GORAB: variants seen among roughly 807,000 people sequenced by gnomAD.
GORAB encodes the protein golgin, RAB6 interacting, also known as RAB6-interacting golgin.
GORAB carries 17 observed loss-of-function variants against 29.9 expected under a neutral mutation model. The ratio of observed to expected loss-of-function variants is 0.57; its 90% confidence interval spans 0.39 to 0.85. The LOEUF (loss-of-function observed/expected upper bound fraction) is 0.85, where lower values mean the gene tolerates loss of function less well. Ranked by LOEUF, GORAB falls within the 40% of genes least tolerant of loss-of-function variation. The pLI, the probability that GORAB is intolerant of heterozygous loss-of-function variation, is 0.00. For synonymous variants in GORAB, 183 were observed against 157.2 expected (o/e 1.16, Z -1.23); for missense variants, 442 against 437.8 (o/e 1.01, Z -0.09).
At chr1:170,534,360 G>T (rs949021158) in intron 1 of GORAB, among the ~76,000 whole-genome samples, 7 of 152,122 alleles carry the variant, frequency 4.6e-5, no homozygotes, top group African/African-American at 1.4e-4. Flanking sequence ...CAGTATTTGG[G>T]GGATGCAAAA....
At chr1:170,532,340 G>A (rs59005897) in intron 1 of GORAB, 56 bp downstream of exon 1, 1 of 1,584,400 alleles carries the variant, frequency 6.3e-7, no homozygotes. Context: ...GAAGAGGCGG[G>A]GATGCAGCTT....
At chr1:170,539,644 A>G in intron 2 of GORAB, 77 bp downstream of exon 2, 1 of 1,460,804 alleles carries the variant, frequency 6.8e-7, no homozygotes, top group Non-Finnish European at 9.4e-7. Flanking sequence ...AAGGAAATAT[A>G]ATTTGTTTAT....
At chr1:170,539,811 T>C (rs1031945991) in intron 2 of GORAB, among the ~76,000 whole-genome samples, 3 of 152,152 alleles carry the variant, frequency 2.0e-5, no homozygotes, top group African/African-American at 7.2e-5. Context: ...ATGTTTATTA[T>C]TTAAACTTTA....
In GORAB at chr1:170,552,030, G is replaced by A. The variant is rs1196831941; in HGVS notation, c.678G>A (p.Arg226=). 1.9e-6 allele frequency: 3 copies of A among 1,613,870 alleles called. No individual in the cohort carries two copies. Among genetic ancestry groups the A allele is most frequent in the Admixed American group, 3.3e-5 (2 of 59,996 alleles). Residue 226 remains arginine (R), a synonymous_variant, in exon 5 of 5, where the codon AGG becomes AGA. Coordinates refer to ENST00000367763, the MANE Select transcript of GORAB (RefSeq NM_152281.3). ...DYSYARKRFD[R]AEAEYIAAKL... ...ATCCTTACAGGAAGCGGTTTGACAGGGCTGAAGCAGAGTACATTGCAGCAA... is the reference window on the plus strand; with the variant it reads ...ATCCTTACAGGAAGCGGTTTGACAGAGCTGAAGCAGAGTACATTGCAGCAA...
At chr1:170,541,720 T>C (rs547923242) in intron 2 of GORAB, among the ~76,000 whole-genome samples, 4 of 152,360 alleles carry the variant, frequency 2.6e-5, no homozygotes, top group Non-Finnish European at 5.9e-5. Context: ...ATTTTAGAAT[T>C]GGACAGATTG....
intron 2 of GORAB, among the ~76,000 whole-genome samples, chr1:170,540,146 A>AGG (rs1649323887): frequency 6.6e-6 from 1 of 152,022 alleles, no homozygotes; most frequent in South Asian, 2.1e-4. Flanking sequence ...AGAGACGTGA[A>AGG]GGGATGGTCA....
chr1:170,538,305 A>G (rs1055386235), intron 1 of GORAB, among the ~76,000 whole-genome samples: 47 of 152,214 alleles, frequency 3.1e-4, no homozygotes, highest in Non-Finnish European at 7.3e-5. Context: ...TCAAAAGTCA[A>G]TATGCCAAAT....
chr1:170,542,274 G>C (rs904262303), intron 2 of GORAB, among the ~76,000 whole-genome samples: 3 of 152,164 alleles, frequency 2.0e-5, no homozygotes, highest in African/African-American at 7.2e-5. Context: ...TCCAATTTAT[G>C]TAAGCCTCTT....
At chr1:170,533,928 A>G (rs1233957951) in intron 1 of GORAB, among the ~76,000 whole-genome samples, 4 of 152,192 alleles carry the variant, frequency 2.6e-5, no homozygotes, top group Non-Finnish European at 4.4e-5. Flanking sequence ...CCTTATTTGT[A>G]AAATTAGAGG....
At chr1:170,537,856 C>A (rs1287442494) in intron 1 of GORAB, among the ~76,000 whole-genome samples, 1 of 151,920 alleles carries the variant, frequency 6.6e-6, no homozygotes, top group African/African-American at 2.4e-5. Flanking sequence ...TGTAAAAATG[C>A]AAAATAAAAT....
intron 1 of GORAB, chr1:170,536,514 T>A (rs909574393): frequency 6.6e-6 from 1 of 152,210 alleles, no homozygotes; most frequent in Non-Finnish European, 1.5e-5. Context: ...TCTTATACAT[T>A]ACTAGAGGGA....
In GORAB at chr1:170,552,742, A is replaced by G. The variant is rs747742510; in HGVS notation, c.*280A>G. Reference sequence around the variant, plus strand: ...GACTTAAAAGGATGGAAGAAAAACTACATGGTTGGAGTGTTTTTAGATCAG... The same window carrying G: ...GACTTAAAAGGATGGAAGAAAAACTGCATGGTTGGAGTGTTTTTAGATCAG... On this transcript the variant is annotated 3_prime_UTR_variant, in exon 5 of 5. Transcript: ENST00000367763. 4.0e-5 allele frequency: 20 copies of G among 501,800 alleles called. No individual in the cohort carries two copies. The highest frequency in any genetic ancestry group is 6.6e-5 in the Non-Finnish European group (17 of 258,616). 31.1% of individuals were successfully genotyped at this position (501,800 alleles called of 1,614,324 possible). A position where few individuals can be genotyped will look rare whatever the true frequency, so the allele number is the denominator to read the frequency against.
At chr1:170,539,959 TTTTC>T (rs1423024538) in intron 2 of GORAB, among the ~76,000 whole-genome samples, 5 of 151,762 alleles carry the variant, frequency 3.3e-5, no homozygotes, top group African/African-American at 1.2e-4. Flanking sequence ...GCAGTTCTTT[TTTTC>T]TTTCTTTTTT....
In GORAB at chr1:170,545,192, C is replaced by G. The variant is rs779671389; in HGVS notation, c.662+347C>G. 3.9e-4 allele frequency: 392 copies of G among 1,011,268 alleles called. 1 individual carries two copies. Among genetic ancestry groups the G allele is most frequent in the Non-Finnish European group, 3.8e-4 (325 of 844,932 alleles). The allele number at this position is 1,011,268 out of a possible 1,614,324, so 62.6% of individuals were successfully genotyped here. On this transcript the variant is annotated intron_variant, in intron 4 of 4. Coordinates refer to ENST00000367763, the MANE Select transcript of GORAB (RefSeq NM_152281.3). Reference sequence around the variant, plus strand: ...AAATATCTGAGTGGTTTCGCCAAAACTGTTACTCTGACACCAAGTCTGTGT... The same window carrying G: ...AAATATCTGAGTGGTTTCGCCAAAAGTGTTACTCTGACACCAAGTCTGTGT...
chr1:170,548,751 G>C (rs1352270749), intron 4 of GORAB, among the ~76,000 whole-genome samples: 1 of 152,072 alleles, frequency 6.6e-6, no homozygotes, highest in Non-Finnish European at 1.5e-5. Flanking sequence ...TAATTGATAA[G>C]TAATGATGAA....
chr1:170,549,116 A>G (rs1649959906), intron 4 of GORAB, among the ~76,000 whole-genome samples: 1 of 152,248 alleles, frequency 6.6e-6, no homozygotes, highest in South Asian at 2.1e-4. Flanking sequence ...GACAATTTCT[A>G]GAATCCTTTA....
At chr1:170,534,657 C>T (rs1648940839) in intron 1 of GORAB, among the ~76,000 whole-genome samples, 2 of 152,130 alleles carry the variant, frequency 1.3e-5, no homozygotes, top group African/African-American at 4.8e-5. Flanking sequence ...GTTACAGTTG[C>T]CTACAGTCTT....
chr1:170,550,109 C>G (rs571177018), intron 4 of GORAB, among the ~76,000 whole-genome samples: 156 of 152,298 alleles, frequency 1.0e-3, no homozygotes, highest in Non-Finnish European at 1.8e-3. Context: ...ATGCCTCTTC[C>G]CCAACCCCTT....
rs1649271443 is a variant in GORAB, at chr1:170,539,469, A to G, written c.321A>G (p.Pro107=). Residue 107 remains proline, a synonymous_variant, in exon 2 of 5, where the codon CCA becomes CCG. Coordinates refer to ENST00000367763, the MANE Select transcript of GORAB (RefSeq NM_152281.3). ...AACCACAGGGCATTGAAAGTCAGCC[A>G]AAGGAACTGGGACTTGAGAATTCCC... The part of the protein sequence containing the change: ...DGQPQGIESQ[P]KELGLENSHD... 7 of 1,614,128 alleles carry G rather than the reference A, an allele frequency of 4.3e-6. No homozygotes were observed. The highest frequency in any genetic ancestry group is 5.1e-6 in the Non-Finnish European group (6 of 1,179,986).
Sources: allele counts gnomAD v4.1 joint callset (sites outside exome capture counted in the v4.1 genomes callset), GRCh38; gene constraint gnomAD v4.1.1; transcripts MANE v1.5; gene names NCBI Gene and HGNC (gene_info 2026-07-23, HGNC 2026-07-21).